Variants in ZBTB38 observed in about 807,000 individuals in gnomAD.
The protein encoded by ZBTB38 is zinc finger and BTB domain-containing protein 38.
ZBTB38 carries 20 observed loss-of-function variants against 76.8 expected under a neutral mutation model. The ratio of observed to expected loss-of-function variants is 0.26; its 90% confidence interval spans 0.18 to 0.38. The LOEUF is 0.38. Among genes scored for constraint, ZBTB38 ranks in the 10% least tolerant of loss-of-function variants. The pLI, the probability that ZBTB38 is intolerant of heterozygous loss-of-function variation, is 1.00. For missense variants in ZBTB38, 1,082 were observed against 1,482.3 expected (o/e 0.73, Z 4.43); for synonymous variants, 504 against 544.2 (o/e 0.93, Z 1.03).
At chr3:141,407,916 T>A (rs1355053078) in intron 5 of ZBTB38, among the ~76,000 whole-genome samples, 2 of 152,244 alleles carry the variant, frequency 1.3e-5, no homozygotes, top group African/African-American at 4.8e-5. Flanking sequence ...AATGGTGGTA[T>A]TATTGCACCC....
intron 1 of ZBTB38, among the ~76,000 whole-genome samples, chr3:141,326,713 C>T (rs1055551050): frequency 6.6e-6 from 1 of 152,124 alleles, no homozygotes; most frequent in Non-Finnish European, 1.5e-5. Flanking sequence ...TTTACAGGAA[C>T]AAAGTGTTGT....
At position 141,328,454 on chromosome 3, in the gene ZBTB38, A is replaced by G. The variant is rs940837167; in HGVS notation, c.-739+3998A>G. Among the ~76,000 whole-genome samples the G allele has an allele frequency of 1.9e-4, 29 of 152,084 alleles. No homozygotes were observed. The East Asian group carries it at 2.7e-3, about 14-fold the overall frequency. ...CTGTGAATGATGTCACCACCCCCTC[A>G]TTTACTCAAATCAGAAACTCAACCT... On this transcript the variant is annotated intron_variant, in intron 1 of 7. Coordinates refer to the ZBTB38 transcript ENST00000509842.
intron 5 of ZBTB38, among the ~76,000 whole-genome samples, chr3:141,417,770 A>T (rs2074406101): frequency 6.6e-6 from 1 of 152,198 alleles, no homozygotes. Flanking sequence ...TAATCCCAGC[A>T]CTTTGGGAGT....
intron 1 of ZBTB38, among the ~76,000 whole-genome samples, chr3:141,354,767 CTGAT>C (rs1943614345): frequency 6.6e-6 from 1 of 152,110 alleles, no homozygotes. Context: ...CTGCAAAACT[CTGAT>C]TGAGTCAGAG....
At chr3:141,391,092 C>T (rs941941371) in intron 4 of ZBTB38, among the ~76,000 whole-genome samples, 10 of 151,586 alleles carry the variant, frequency 6.6e-5, no homozygotes, top group South Asian at 2.1e-4. Context: ...CCCAGGAGTT[C>T]GAGGTTGCAG....
At position 141,368,677 on chromosome 3, in the gene ZBTB38, G is replaced by GT. The variant is rs1415504823; in HGVS notation, c.-436dup. On this transcript the variant is annotated 5_prime_UTR_variant, in exon 1 of 6. It introduces an in-frame stop codon into an upstream open reading frame of the 5' UTR. Coordinates refer to ENST00000321464, the MANE Select transcript of ZBTB38 (RefSeq NM_001376113.1). ...TTCAAAATGTAGGAAGTCAGAATGG[G>GT]TGACATCATCAGAAAAATATGTGGA... 1 of 152,084 alleles carries GT rather than the reference G, an allele frequency of 6.6e-6. No homozygotes were observed. The highest frequency in any genetic ancestry group is 1.5e-5 in the Non-Finnish European group (1 of 68,032). 9.4% of individuals were successfully genotyped at this position (152,084 alleles called of 1,614,324 possible). A position where few individuals can be genotyped will look rare whatever the true frequency, so the allele number is the denominator to read the frequency against.
intron 5 of ZBTB38, among the ~76,000 whole-genome samples, chr3:141,433,498 T>C (rs1019140075): frequency 1.3e-5 from 2 of 152,188 alleles, no homozygotes; most frequent in African/African-American, 2.4e-5. Flanking sequence ...AACTATTAGA[T>C]TGATGCAAAA....
chr3:141,395,793 A>ATTT (rs1950222372), intron 4 of ZBTB38, among the ~76,000 whole-genome samples: 2 of 152,214 alleles, frequency 1.3e-5, no homozygotes, highest in African/African-American at 4.8e-5. Flanking sequence ...GAATGTTGCA[A>ATTT]TAAAGCAAGG....
At chr3:141,339,679 A>G (rs1429749907) in intron 1 of ZBTB38, among the ~76,000 whole-genome samples, 2 of 152,236 alleles carry the variant, frequency 1.3e-5, no homozygotes, top group African/African-American at 4.8e-5. Flanking sequence ...AGGTGGTGCC[A>G]TTTACTGAAA....
At chr3:141,393,332 T>G (rs1213002375) in intron 4 of ZBTB38, among the ~76,000 whole-genome samples, 1 of 152,232 alleles carries the variant, frequency 6.6e-6, no homozygotes, top group African/African-American at 2.4e-5. Flanking sequence ...TCCCCAGCGC[T>G]GAGCATGACG....
Position 141,448,463 on chromosome 3 carries a change from T to C in ZBTB38, c.*2487T>C, listed in dbSNP as rs927060046. On this transcript the variant is annotated 3_prime_UTR_variant, in exon 6 of 6. Transcript: ENST00000321464. ...ACATTTTTTTGTTAATTGTGAAAATTTTATTGAGTGATGTTTAAGTATGCA... is the reference window on the plus strand; with the variant it reads ...ACATTTTTTTGTTAATTGTGAAAATCTTATTGAGTGATGTTTAAGTATGCA... The C allele has an allele frequency of 6.6e-6, 1 of 152,570 alleles. No individual in the cohort carries two copies. Among genetic ancestry groups the C allele is most frequent in the Non-Finnish European group, 1.5e-5 (1 of 68,016 alleles). 9.5% of individuals were successfully genotyped at this position (152,570 alleles called of 1,614,324 possible). A position where few individuals can be genotyped will look rare whatever the true frequency, so the allele number is the denominator to read the frequency against.
intron 5 of ZBTB38, among the ~76,000 whole-genome samples, chr3:141,421,262 G>A (rs1411475889): frequency 2.7e-5 from 4 of 148,790 alleles, no homozygotes; most frequent in Admixed American, 2.7e-4. Flanking sequence ...GGAACCAGGA[G>A]TCTAGAAACT....
At position 141,443,526 on chromosome 3, in the gene ZBTB38, T is replaced by C. The variant is rs1168576707; in HGVS notation, c.1138T>C (p.Phe380Leu). ...PLVCKYCNKQ[F>L]TTLNRLDRHE... Reference sequence around the variant, plus strand: ...AGTGTGCAAGTATTGCAACAAACAATTCACCACCCTGAACAGGTTGGATCG... The same window carrying C: ...AGTGTGCAAGTATTGCAACAAACAACTCACCACCCTGAACAGGTTGGATCG... The change falls in exon 6 of 6, where the codon TTC (phenylalanine) becomes CTC (leucine). Residue 380 changes from phenylalanine to leucine, a missense_variant. Phe to Leu is a conservative substitution (Grantham distance 22). This residue lies in a region of ZBTB38 where 324 missense variants were observed against 359.1 expected (regional missense o/e 0.90). Transcript: ENST00000321464. The surrounding 1 kb of genome is among the most constrained non-coding windows in gnomAD (Gnocchi z 5.6). The C allele has an allele frequency of 1.2e-6, 2 of 1,614,150 alleles. No homozygotes were observed. Among genetic ancestry groups the C allele is most frequent in the Non-Finnish European group, 1.7e-6 (2 of 1,180,026 alleles).
At chr3:141,402,185 C>T (rs1176919100) in intron 4 of ZBTB38, among the ~76,000 whole-genome samples, 1 of 152,152 alleles carries the variant, frequency 6.6e-6, no homozygotes, top group African/African-American at 2.4e-5. Flanking sequence ...GGGGCCCTCA[C>T]GGGTCCCGCC....
intron 4 of ZBTB38, among the ~76,000 whole-genome samples, chr3:141,397,078 CTCCT>C (rs1559935206): frequency 6.6e-6 from 1 of 152,248 alleles, no homozygotes; most frequent in African/African-American, 2.4e-5. Flanking sequence ...TAGGTGACAT[CTCCT>C]TCCAATAGAA....
chr3:141,423,889 T>TA (rs1399389843), intron 5 of ZBTB38, among the ~76,000 whole-genome samples: 2 of 152,198 alleles, frequency 1.3e-5, no homozygotes, highest in Admixed American at 1.3e-4. Flanking sequence ...GATATGTTAT[T>TA]AAAAAATCCC....
At chr3:141,439,055 G>T (rs1302553708) in intron 5 of ZBTB38, among the ~76,000 whole-genome samples, 1 of 151,658 alleles carries the variant, frequency 6.6e-6, no homozygotes, top group Non-Finnish European at 1.5e-5. Flanking sequence ...AGTAATCCAG[G>T]GCCTCTGTAA....
rs1288021644 is a variant in ZBTB38, at chr3:141,393,996, TTTTC to T, written c.-106+7071_-106+7074del. On this transcript the variant is annotated intron_variant, in intron 4 of 5. Coordinates refer to ENST00000321464, the MANE Select transcript of ZBTB38 (RefSeq NM_001376113.1). ...CATAAGAACTTTCCATTTCTTTTTT[TTTTC>T]TTTCTTTCTTTTCTTTCTTTTTTTT... Among the ~76,000 whole-genome samples, 72 of 147,832 alleles carry T rather than the reference TTTTC, an allele frequency of 4.9e-4. 1 individual carries two copies. Among genetic ancestry groups the T allele is most frequent in the African/African-American group, 1.7e-3 (66 of 38,730 alleles).
At chr3:141,395,210 C>T in intron 4 of ZBTB38, among the ~76,000 whole-genome samples, 1 of 152,166 alleles carries the variant, frequency 6.6e-6, no homozygotes, top group Non-Finnish European at 1.5e-5. Context: ...TATAAGGTAG[C>T]TTAGGCAGGA....
Sources: allele counts gnomAD v4.1 joint callset (sites outside exome capture counted in the v4.1 genomes callset), GRCh38; gene constraint gnomAD v4.1.1; regional missense constraint gnomAD v4.1.1; non-coding constraint Gnocchi (gnomAD v3.1); transcripts MANE v1.5; gene names NCBI Gene and HGNC (gene_info 2026-07-23, HGNC 2026-07-21).